CATSPERB: variants seen among roughly 807,000 people sequenced by gnomAD.
The protein encoded by CATSPERB is cation channel sperm-associated auxiliary subunit beta.
A neutral mutation model predicts 128.3 loss-of-function variants in CATSPERB; 93 were observed. The ratio of observed to expected loss-of-function variants is 0.72; its 90% confidence interval spans 0.61 to 0.86. The LOEUF (loss-of-function observed/expected upper bound fraction) is 0.86. Among genes scored for constraint, CATSPERB ranks in the 40% least tolerant of loss-of-function variants. The pLI is 0.00. For missense variants in CATSPERB, 1,153 were observed against 1,329.5 expected (o/e 0.87, Z 2.06); for synonymous variants, 381 against 448.8 (o/e 0.85, Z 1.91).
chr14:91,631,009 C>T (rs1894265544), intron 17 of CATSPERB, among the ~76,000 whole-genome samples: 1 of 152,200 alleles, frequency 6.6e-6, no homozygotes, highest in South Asian at 2.1e-4. Context: ...CTTCTTTAGC[C>T]TGGAAAGCTC....
rs137973431 is a variant in CATSPERB, at chr14:91,674,879, C to T, written c.932-657G>A. Reference sequence around the variant, plus strand: ...ACTGGGACAGGACACACAGACCTTGCACCCAGCATCACTCCTGAATGCCTC... The same window carrying T: ...ACTGGGACAGGACACACAGACCTTGTACCCAGCATCACTCCTGAATGCCTC... On this transcript the variant is annotated intron_variant, in intron 11 of 26. Transcript: ENST00000256343. 3.2e-4 allele frequency among the ~76,000 whole-genome samples: 48 copies of T among 152,340 alleles called. 1 individual carries two copies. The highest frequency in any genetic ancestry group is 9.6e-4 in the African/African-American group (40 of 41,564).
intron 15 of CATSPERB, among the ~76,000 whole-genome samples, chr14:91,643,903 G>A (rs1304128262): frequency 8.2e-6 from 1 of 122,644 alleles, no homozygotes. Context: ...CCTGTATTGG[G>A]TGCATATATA....
At chr14:91,611,711 T>C (rs1211728968) in intron 20 of CATSPERB, among the ~76,000 whole-genome samples, 1 of 152,162 alleles carries the variant, frequency 6.6e-6, no homozygotes, top group East Asian at 1.9e-4. Flanking sequence ...AATCAGTACT[T>C]GAGTATTTTT....
intron 22 of CATSPERB, among the ~76,000 whole-genome samples, chr14:91,594,112 T>G (rs1893457722): frequency 6.6e-6 from 1 of 152,080 alleles, no homozygotes; most frequent in African/African-American, 2.4e-5. Flanking sequence ...ATTAAGAAAA[T>G]GTGGCACATA....
intron 13 of CATSPERB, among the ~76,000 whole-genome samples, chr14:91,670,878 C>T (rs1252081701): frequency 2.6e-5 from 4 of 151,978 alleles, no homozygotes; most frequent in Admixed American, 2.6e-4. Flanking sequence ...TGGCACACAC[C>T]TGTAATTTCT....
At chr14:91,618,209 A>G (rs1021091807) in intron 19 of CATSPERB, among the ~76,000 whole-genome samples, 1 of 152,084 alleles carries the variant, frequency 6.6e-6, no homozygotes, top group African/African-American at 2.4e-5. Context: ...ACTGAGGACA[A>G]CCAGAGGTCA....
chr14:91,678,228 G>C (rs555481427), intron 11 of CATSPERB, among the ~76,000 whole-genome samples: 1 of 152,250 alleles, frequency 6.6e-6, no homozygotes, highest in Non-Finnish European at 1.5e-5. Flanking sequence ...TTGTATCCTG[G>C]AACTTAAAGT....
intron 22 of CATSPERB, among the ~76,000 whole-genome samples, chr14:91,596,289 C>T (rs551641169): frequency 8.4e-4 from 128 of 152,162 alleles, no homozygotes; most frequent in Admixed American, 3.8e-3. Context: ...CTACAAGCTC[C>T]GCCTCCCGGG....
At chr14:91,624,214 GC>G (rs1566708147) in intron 18 of CATSPERB, among the ~76,000 whole-genome samples, 3 of 152,192 alleles carry the variant, frequency 2.0e-5, no homozygotes, top group African/African-American at 4.8e-5. Flanking sequence ...GGGTGCAGTG[GC>G]TCATGCCTGT....
chr14:91,619,525 T>C (rs1470787401), intron 19 of CATSPERB, among the ~76,000 whole-genome samples: 4 of 140,994 alleles, frequency 2.8e-5, no homozygotes, highest in African/African-American at 1.1e-4. Context: ...AACTACTTGG[T>C]TCTGTTTTTT....
At chr14:91,595,983 C>G (rs978553233) in intron 22 of CATSPERB, among the ~76,000 whole-genome samples, 9 of 152,044 alleles carry the variant, frequency 5.9e-5, no homozygotes, top group African/African-American at 2.2e-4. Flanking sequence ...AAAAACAAAA[C>G]AAAGTATCAG....
chr14:91,727,325 CA>C (rs940322882), intron 2 of CATSPERB, among the ~76,000 whole-genome samples: 3 of 152,032 alleles, frequency 2.0e-5, no homozygotes, highest in African/African-American at 7.2e-5. Flanking sequence ...CAATTGTAAC[CA>C]AAAAAATCTT....
At chr14:91,700,703 T>A (rs1211219697) in intron 7 of CATSPERB, among the ~76,000 whole-genome samples, 1 of 152,210 alleles carries the variant, frequency 6.6e-6, no homozygotes, top group Non-Finnish European at 1.5e-5. Context: ...GAGGCCATTA[T>A]CCTAAGTGAA....
At chr14:91,731,569 T>C (rs1466998680) in intron 1 of CATSPERB, among the ~76,000 whole-genome samples, 1 of 152,226 alleles carries the variant, frequency 6.6e-6, no homozygotes, top group Non-Finnish European at 1.5e-5. Context: ...ACATCTAACA[T>C]ATTCTATACA....
At chr14:91,647,880 T>C (rs1468331186) in intron 15 of CATSPERB, among the ~76,000 whole-genome samples, 1 of 152,220 alleles carries the variant, frequency 6.6e-6, no homozygotes, top group Non-Finnish European at 1.5e-5. Context: ...CTATTAGCTT[T>C]TCAGGTTATC....
intron 24 of CATSPERB, among the ~76,000 whole-genome samples, chr14:91,588,771 A>C (rs1191005205): frequency 2.0e-5 from 3 of 152,180 alleles, no homozygotes; most frequent in African/African-American, 7.2e-5. Context: ...GGACTCTAAA[A>C]CTGGTAAGAA....
intron 22 of CATSPERB, among the ~76,000 whole-genome samples, chr14:91,592,886 A>G (rs376245296): frequency 1.6e-3 from 251 of 152,322 alleles, no homozygotes; most frequent in African/African-American, 5.9e-3. Context: ...CCAGAGGCCC[A>G]GGAGGAAAAA....
At chr14:91,657,395 TA>T (rs34023185) in intron 15 of CATSPERB, among the ~76,000 whole-genome samples, 88,154 of 151,398 alleles carry the variant, frequency 0.58, 26,315 homozygotes, top group East Asian at 0.77. Flanking sequence ...CTAAAAACTA[TA>T]AAAAAAAACT....
chr14:91,708,266 C>G (rs911787629), intron 5 of CATSPERB, 30 bp from the exon 6 acceptor site: 1 of 1,393,642 alleles, frequency 7.2e-7, no homozygotes, highest in Non-Finnish European at 1.0e-6. Flanking sequence ...AAATAATCAA[C>G]TATTTTTTCA....
Sources: gnomAD v4.1 joint callset for allele counts (sites outside exome capture counted in the v4.1 genomes callset) on GRCh38, gnomAD v4.1.1 for gene constraint, MANE v1.5 for transcripts, NCBI Gene and HGNC (gene_info 2026-07-23, HGNC 2026-07-21) for gene names.